P2RX5: variants seen among roughly 807,000 people sequenced by gnomAD.
P2RX5 encodes purinergic receptor P2X 5.
Under a neutral mutation model 54.1 loss-of-function variants are expected in P2RX5, and 46 were observed. The ratio of observed to expected loss-of-function variants is 0.85; its 90% CI spans 0.67 to 1.09. The LOEUF is 1.09. Ranked by LOEUF, P2RX5 falls within the 50% of genes least tolerant of loss-of-function variation. The probability of loss-of-function intolerance (pLI) is 0.00; values close to 1 mark genes in which losing one functional copy is unlikely to be tolerated. For synonymous variants in P2RX5, 226 were observed against 226.4 expected (o/e 1.00, Z 0.02); for missense variants, 566 against 549.8 (o/e 1.03, Z -0.29).
the P2RX5 span, among the ~76,000 whole-genome samples, chr17:3,708,194 T>C: frequency 6.6e-6 from 1 of 152,118 alleles, no homozygotes; most frequent in African/African-American, 2.4e-5. Flanking sequence ...AAGACTGTTT[T>C]TCAGACAGAC....
In P2RX5 at chr17:3,691,785, G is replaced by C. The variant is rs369624870; in HGVS notation, c.147C>G (p.Phe49Leu). 6.2e-7 allele frequency: 1 copy of C among 1,614,122 alleles called. No individual in the cohort carries two copies. The highest frequency in any genetic ancestry group is 2.2e-5 in the East Asian group (1 of 44,884). ...CGTCTTGGTAACCCTTCTTTATCAG[G>C]AACACCCATCTGTGGGAAGGGGGCC... The part of the protein sequence containing the change: ...SILAYLVVWV[F>L]LIKKGYQDVD... Residue 49 changes from phenylalanine (F) to leucine (L), a missense_variant, in exon 2 of 12, where the codon TTC becomes TTG. Physicochemically the swap from Phe to Leu is conservative, Grantham distance 22. Transcript: ENST00000225328.
At chr17:3,676,128 T>C in intron 11 of P2RX5, 1 of 985,516 alleles carries the variant, frequency 1.0e-6, no homozygotes, top group Non-Finnish European at 1.2e-6. Context: ...TGGAGCACTT[T>C]TCTGCCAGGT....
At chr17:3,714,448 G>T in the P2RX5 span, among the ~76,000 whole-genome samples, 17 of 138,088 alleles carry the variant, frequency 1.2e-4, 4 homozygotes, top group East Asian at 4.1e-4. Flanking sequence ...GGATAGTCTC[G>T]ATCTCTTGAC....
Position 3,690,054 on chromosome 17 carries a change from A to T in P2RX5, c.614+16T>A. The T allele has an allele frequency of 6.2e-7, 1 of 1,611,650 alleles. No homozygotes were observed. The highest frequency in any genetic ancestry group is 8.5e-7 in the Non-Finnish European group (1 of 1,177,768). On this transcript the variant is annotated intron_variant, in intron 6 of 11. Coordinates refer to ENST00000225328, the MANE Select transcript of P2RX5 (RefSeq NM_002561.4). ...CCAAGGCCCACCCGTGGCCCCCAGT[A>T]GCCAAGCCCACGTACTTGGAGAAGT... is the stretch of plus-strand genomic sequence containing the variant.
Position 3,689,544 on chromosome 17 carries a change from A to G in P2RX5, c.701T>C (p.Leu234Pro). ...PKNHYCPIFR[L>P]GSVIRWAGSD... ...CCCGGCCCAGCGGATCACGGAGCCC[A>G]GTCGGAAGATGGGGCAGTAGTGGTT... The change falls in exon 7 of 12, where the codon CTG becomes CCG. Residue 234 changes from leucine (L) to proline (P), a missense_variant. Transcript: ENST00000225328. 6.2e-7 allele frequency: 1 copy of G among 1,614,178 alleles called. No homozygotes were observed. Among genetic ancestry groups the G allele is most frequent in the East Asian group, 2.2e-5 (1 of 44,890 alleles).
chr17:3,678,157 GCGCA>G, intron 11 of P2RX5: 1 of 962,672 alleles, frequency 1.0e-6, no homozygotes, highest in Non-Finnish European at 1.2e-6. Context: ...GCGGGAGGGG[GCGCA>G]CAGGGCAGAG....
chr17:3,688,327 C>T (rs190778800), intron 8 of P2RX5, among the ~76,000 whole-genome samples: 8 of 152,336 alleles, frequency 5.3e-5, no homozygotes, highest in Admixed American at 2.0e-4. Context: ...GGCTTCCCCA[C>T]CCTACTCTGA....
the P2RX5 span, among the ~76,000 whole-genome samples, chr17:3,708,057 C>CAA: frequency 1.9e-3 from 122 of 64,848 alleles, no homozygotes; most frequent in African/African-American, 4.8e-3. Context: ...GACTCCGTCT[C>CAA]AAAAAAAAAA....
the P2RX5 span, chr17:3,716,760 A>C: frequency 3.2e-5 from 51 of 1,608,516 alleles, no homozygotes; most frequent in Non-Finnish European, 1.7e-6. Context: ...TGATAGGCAA[A>C]GAATGGTACT....
At chr17:3,692,093 A>T in intron 1 of P2RX5, 1 of 411,262 alleles carries the variant, frequency 2.4e-6, no homozygotes, top group Non-Finnish European at 4.6e-6. Flanking sequence ...TCGCAAGGTC[A>T]GGAGATTGAG....
upstream of P2RX5, among the ~76,000 whole-genome samples, chr17:3,700,472 G>C (rs1336126586): frequency 2.0e-5 from 3 of 151,596 alleles, no homozygotes; most frequent in Non-Finnish European, 4.4e-5. Flanking sequence ...GGCGGAGCTT[G>C]CAGTAAGCCG....
intron 11 of P2RX5, chr17:3,675,737 G>A (rs12951974): frequency 1.5e-6 from 1 of 646,246 alleles, no homozygotes; most frequent in Non-Finnish European, 1.9e-6. Flanking sequence ...ATTTTTAGTA[G>A]AGATGGGGTT....
At chr17:3,695,610 A>G (rs570864573) in intron 1 of P2RX5, among the ~76,000 whole-genome samples, 14 of 152,170 alleles carry the variant, frequency 9.2e-5, no homozygotes, top group Admixed American at 7.8e-4. Flanking sequence ...AAAGCCTGAT[A>G]AATCGAGGAA....
At chr17:3,674,243 G>A (rs1258208340) in intron 11 of P2RX5, among the ~76,000 whole-genome samples, 1 of 152,066 alleles carries the variant, frequency 6.6e-6, no homozygotes, top group Non-Finnish European at 1.5e-5. Flanking sequence ...CCCGGGAGGC[G>A]GAGCTTGCAG....
the P2RX5 span, among the ~76,000 whole-genome samples, chr17:3,710,253 C>A: frequency 3.6e-4 from 55 of 151,894 alleles, 1 homozygote; most frequent in South Asian, 0.011. Flanking sequence ...ATGGTGAAAC[C>A]CAGTCTCTAC....
At chr17:3,691,075 A>G (rs776398768) in intron 2 of P2RX5, 48 bp from the exon 3 acceptor site, 1 of 1,366,260 alleles carries the variant, frequency 7.3e-7, no homozygotes, top group South Asian at 1.2e-5. Flanking sequence ...CCCCTTAGGG[A>G]CCACCCCACC....
the P2RX5 span, among the ~76,000 whole-genome samples, chr17:3,701,760 TG>T: frequency 0.26 from 31,851 of 120,548 alleles, 4,937 homozygotes; most frequent in South Asian, 0.42. Context: ...TTTTTTTTTT[TG>T]TTTTTTTTTT....
At chr17:3,678,690 G>A (rs1360315342) in intron 11 of P2RX5, among the ~76,000 whole-genome samples, 2 of 152,240 alleles carry the variant, frequency 1.3e-5, no homozygotes, top group Non-Finnish European at 2.9e-5. Flanking sequence ...AGTCAGCAAG[G>A]AATGAAAGCT....
At chr17:3,676,702 G>C (rs2050112379) in intron 11 of P2RX5, 2 of 245,582 alleles carry the variant, frequency 8.1e-6, no homozygotes, top group Non-Finnish European at 1.2e-5. Flanking sequence ...GTTCTGATTT[G>C]GGTGGGGGGC....
Sources: allele counts gnomAD v4.1 joint callset (sites outside exome capture counted in the v4.1 genomes callset), GRCh38; gene constraint gnomAD v4.1.1; transcripts MANE v1.5; gene names NCBI Gene and HGNC (gene_info 2026-07-23, HGNC 2026-07-21).